The following NEB variants were observed in gnomAD, a reference collection of about 807,000 sequenced individuals.
The protein encoded by NEB is nemaline myopathy type 2.
Under a neutral mutation model 952.2 loss-of-function variants are expected in NEB, and 512 were observed. That is an observed-to-expected ratio of 0.54 (90% CI 0.50 to 0.58). The LOEUF is 0.58. NEB is among the 20% of genes least tolerant of loss of function. NEB has a pLI of 0.00. For missense variants in NEB, 8,428 were observed against 9,231.1 expected (o/e 0.91, Z 3.56); for synonymous variants, 2,900 against 3,149.8 (o/e 0.92, Z 2.66).
intron 30 of NEB, among the ~76,000 whole-genome samples, chr2:151,680,241 A>G (rs1431044809): frequency 6.6e-6 from 1 of 152,186 alleles, no homozygotes; most frequent in Non-Finnish European, 1.5e-5. Flanking sequence ...TTTTGCAAAG[A>G]TCCCTTGGAA....
Position 151,642,674 on chromosome 2 carries a change from T to C in NEB, c.8273A>G (p.Tyr2758Cys). 3 of 1,613,720 alleles carry C rather than the reference T, an allele frequency of 1.9e-6. No individual in the cohort carries two copies. Among genetic ancestry groups the C allele is most frequent in the Non-Finnish European group, 1.7e-6 (2 of 1,179,718 alleles). The change falls in exon 60 of 182, where the codon TAT becomes TGT. Residue 2758 changes from tyrosine to cysteine, a missense_variant. By Grantham distance (194) the Tyr-to-Cys change is radical. Coordinates refer to ENST00000397345, the MANE Select transcript of NEB (RefSeq NM_001164508.2). ...QNKVNYSEKL[Y>C]KLGLEEAKRK... ...CTTGGCTTCTTCTAGGCCAAGCTTA[T>C]ACAATTTCTAAAATAGACATTAATA...
intron 140 of NEB, among the ~76,000 whole-genome samples, chr2:151,537,487 T>C (rs2093377836): frequency 6.6e-6 from 1 of 152,246 alleles, no homozygotes; most frequent in East Asian, 1.9e-4. Flanking sequence ...CTTTCCTAGA[T>C]AGTATATCAT....
At chr2:151,645,857 C>T (rs1430606263) in intron 55 of NEB, among the ~76,000 whole-genome samples, 1 of 152,090 alleles carries the variant, frequency 6.6e-6, no homozygotes, top group African/African-American at 2.4e-5. Context: ...GAGTGCCTGT[C>T]CACACTGGGA....
At chr2:151,709,087 C>A (rs2099736012) in intron 12 of NEB, among the ~76,000 whole-genome samples, 1 of 152,206 alleles carries the variant, frequency 6.6e-6, no homozygotes, top group African/African-American at 2.4e-5. Flanking sequence ...ATGCTAAGGA[C>A]TCAGGCCATT....
At position 151,630,808 on chromosome 2, in the gene NEB, T is replaced by C; in HGVS notation, c.9630A>G (p.Thr3210=). 2 of 1,607,236 alleles carry C rather than the reference T, an allele frequency of 1.2e-6. No homozygotes were observed. Among genetic ancestry groups the C allele is most frequent in the Non-Finnish European group, 1.7e-6 (2 of 1,175,826 alleles). Residue 3210 remains threonine (T), a synonymous_variant, in exon 67 of 182, where the codon ACA becomes ACG. Coordinates refer to ENST00000397345, the MANE Select transcript of NEB (RefSeq NM_001164508.2). ...GAGTCTTGTCTTTGTCCCAGGCCTC[T>C]GTGTATAAACGCTATAAAAGAAGAT... is the stretch of plus-strand genomic sequence containing the variant. The part of the protein sequence containing the change: ...NALNMNKRLY[T]EAWDKDKTQI...
chr2:151,485,929 A>G lies in NEB; in HGVS notation c.25409T>C (p.Ile8470Thr), dbSNP rs1280701887. ...CATATAGTCATACATGGCACGGAAG[A>G]TTTTCTATTCGTGGGGATGGAAAAG... is the stretch of plus-strand genomic sequence containing the variant. ...IPSHPSTAGK[I>T]FRAMYDYMAA... The change falls in exon 182 of 182, where the codon ATC becomes ACC. Residue 8470 changes from isoleucine (I) to threonine (T), a missense_variant. Physicochemically the swap from Ile to Thr is moderately conservative, Grantham distance 89. This residue lies in a region of NEB where 3,374 missense variants were observed against 3,651.5 expected (regional missense o/e 0.92). Coordinates refer to ENST00000397345, the MANE Select transcript of NEB (RefSeq NM_001164508.2). The G allele has an allele frequency of 1.9e-6, 3 of 1,613,636 alleles. No individual in the cohort carries two copies. The highest frequency in any genetic ancestry group is 2.7e-5 in the African/African-American group (2 of 75,018).
chr2:151,492,658 C>T, intron 176 of NEB, 164 bp from the exon 177 acceptor site: 1 of 427,472 alleles, frequency 2.3e-6, no homozygotes, highest in East Asian at 3.4e-5. Flanking sequence ...ATCTGGGGAC[C>T]AGAAGGGCCC....
At chr2:151,691,092 T>C (rs527453526) in intron 23 of NEB, among the ~76,000 whole-genome samples, 27 of 152,260 alleles carry the variant, frequency 1.8e-4, no homozygotes, top group African/African-American at 6.5e-4. Context: ...AGTGACTCTT[T>C]AGTCAACTTG....
At position 151,494,305 on chromosome 2, in the gene NEB, T is replaced by TA. The variant is rs1015332249; in HGVS notation, c.24487-53dup. 9 of 1,263,718 alleles carry TA rather than the reference T, an allele frequency of 7.1e-6. No individual in the cohort carries two copies. In the South Asian group the frequency reaches 1.1e-4, roughly 15 times the overall value. The allele number at this position is 1,263,718 out of a possible 1,614,324, so 78.3% of individuals were successfully genotyped here. ...GCCAAAAAGAAAAAGAGTTAACAGT[T>TA]ACCAAAAAAGGAAATGGTACAGATA... On this transcript the variant is annotated intron_variant, in intron 173 of 181. Coordinates refer to ENST00000397345, the MANE Select transcript of NEB (RefSeq NM_001164508.2).
In NEB at chr2:151,490,400, G is replaced by A. The variant is rs776563539; in HGVS notation, c.25269C>T (p.Ser8423=). 14 of 1,593,594 alleles carry A rather than the reference G, an allele frequency of 8.8e-6. No individual in the cohort carries two copies. The highest frequency in any genetic ancestry group is 1.7e-4 in the Middle Eastern group (1 of 6,042). The part of the protein sequence containing the change: ...EAPDHHLSTY[S]DGGVFAVSTA... Reference sequence around the variant, plus strand: ...TTGAGACTGCAAAGACACCCCCGTCGCTGTAAGTCGAAAGGTGGTGGTCTG... The same window carrying A: ...TTGAGACTGCAAAGACACCCCCGTCACTGTAAGTCGAAAGGTGGTGGTCTG... Residue 8423 remains serine, a synonymous_variant, in exon 180 of 182, where the codon AGC becomes AGT. Coordinates refer to ENST00000397345, the MANE Select transcript of NEB (RefSeq NM_001164508.2).
chr2:151,527,516 G>T lies in NEB; in HGVS notation c.21805C>A (p.Leu7269Ile), dbSNP rs1212970685. Residue 7269 changes from leucine to isoleucine, a missense_variant, in exon 147 of 182, where the codon CTC becomes ATC. Around this residue, in one of 11 missense-constraint regions of NEB, gnomAD observed 3,374 missense variants for 3,651.5 expected, o/e 0.92. Coordinates refer to ENST00000397345, the MANE Select transcript of NEB (RefSeq NM_001164508.2). ...WKWTPDRPDF[L>I]QAAKSSLQQS... The stretch of plus-strand genomic sequence containing the variant: ...TGCAGGGATGACTTGGCAGCCTGGA[G>T]GAAGTCCGGTCGGTCAGGAGTCCAC... 2 of 1,613,372 alleles carry T rather than the reference G, an allele frequency of 1.2e-6. No homozygotes were observed. The highest frequency in any genetic ancestry group is 2.7e-5 in the African/African-American group (2 of 74,924).
rs748607410 is a variant in NEB, at chr2:151,609,859, C to G, written c.12280G>C (p.Asp4094His). ...NYLHEWTCMP[D>H]QNDIIQAKKA... ...TTTGCTTGGATAATGTCGTTTTGATCCGGCATGCATGTCCATTCATGCAGG... is the reference window on the plus strand; with the variant it reads ...TTTGCTTGGATAATGTCGTTTTGATGCGGCATGCATGTCCATTCATGCAGG... The change falls in exon 81 of 182, where the codon GAT (aspartate) becomes CAT (histidine). Residue 4094 changes from aspartate to histidine, a missense_variant. Asp to His is a moderately conservative substitution (Grantham distance 81). This residue lies in a region of NEB where 337 missense variants were observed against 297.5 expected (regional missense o/e 1.13). Transcript: ENST00000397345. The G allele has an allele frequency of 1.1e-5, 17 of 1,607,370 alleles. No homozygotes were observed. In the African/African-American group the frequency reaches 1.2e-4, roughly 11 times the overall value.
chr2:151,490,851 A>G (rs2152787488), intron 179 of NEB, among the ~76,000 whole-genome samples: 1 of 152,316 alleles, frequency 6.6e-6, no homozygotes, highest in Non-Finnish European at 1.5e-5. Flanking sequence ...TTCAGACTCC[A>G]TCTTTAACTT....
intron 162 of NEB, among the ~76,000 whole-genome samples, chr2:151,507,411 C>T (rs759800225): frequency 2.6e-5 from 4 of 152,212 alleles, no homozygotes; most frequent in South Asian, 4.1e-4. Flanking sequence ...TTCTGGCCTT[C>T]TCTGTTTTTT....
chr2:151,704,754 C>T (rs1210402342), intron 13 of NEB, among the ~76,000 whole-genome samples: 1 of 152,216 alleles, frequency 6.6e-6, no homozygotes. Flanking sequence ...CCTGCGCCCA[C>T]TGTCTGGCAC....
intron 36 of NEB, 72 bp from the exon 37 acceptor site, chr2:151,672,752 T>C: frequency 7.5e-7 from 1 of 1,326,326 alleles, no homozygotes; most frequent in Non-Finnish European, 1.0e-6. Context: ...CATTCACATA[T>C]AAAGACACTC....
chr2:151,691,781 G>C, intron 23 of NEB, 83 bp downstream of exon 23: 1 of 1,017,000 alleles, frequency 9.8e-7, no homozygotes, highest in South Asian at 1.4e-5. Flanking sequence ...CTAGATATTA[G>C]CATGTAAACT....
intron 2 of NEB, 94 bp from the exon 3 acceptor site, chr2:151,733,279 A>G (rs1243697034): frequency 1.1e-6 from 1 of 905,590 alleles, no homozygotes; most frequent in Admixed American, 2.5e-5. Context: ...TTGAAGCTAA[A>G]CTATTGTACA....
At chr2:151,694,793 G>A (rs2099584030) in intron 18 of NEB, among the ~76,000 whole-genome samples, 164 bp from the exon 19 acceptor site, 2 of 152,134 alleles carry the variant, frequency 1.3e-5, no homozygotes, top group Non-Finnish European at 2.9e-5. Flanking sequence ...TCAAGCTGGA[G>A]CTATTAATTC....
Sources: allele counts gnomAD v4.1 joint callset (sites outside exome capture counted in the v4.1 genomes callset), GRCh38; gene constraint gnomAD v4.1.1; regional missense constraint gnomAD v4.1.1; transcripts MANE v1.5; gene names NCBI Gene and HGNC (gene_info 2026-07-23, HGNC 2026-07-21).